The following MRPS25 variants were observed in gnomAD, a reference collection of about 807,000 sequenced individuals.
MRPS25 encodes small ribosomal subunit protein mS25.
A neutral mutation model predicts 17.3 loss-of-function variants in MRPS25; 15 were observed. That is an observed-to-expected ratio of 0.87 (90% CI 0.58 to 1.34). The LOEUF is 1.34. MRPS25 is among the 40% of genes most tolerant of loss of function. The pLI, the probability that MRPS25 is intolerant of heterozygous loss-of-function variation, is 0.00. For synonymous variants in MRPS25, 94 were observed against 83.3 expected (o/e 1.13, Z -0.70); for missense variants, 225 against 218.6 (o/e 1.03, Z -0.19).
chr3:15,053,482 C>CCCCCGCT lies in MRPS25; in HGVS notation c.242-16_242-15insAGCGGGG. 3 of 1,614,204 alleles carry CCCCCGCT rather than the reference C, an allele frequency of 1.9e-6. No individual in the cohort carries two copies. Among genetic ancestry groups the CCCCCGCT allele is most frequent in the Non-Finnish European group, 2.5e-6 (3 of 1,180,044 alleles). On this transcript the variant is annotated splice_polypyrimidine_tract_variant and intron_variant, in intron 2 of 3. Coordinates refer to ENST00000253686, the MANE Select transcript of MRPS25 (RefSeq NM_022497.5). ...CTCCCCAGAATCTGGAAACGGAAAG[C>CCCCCGCT]ACGGGGCAGAAGAGAAACAGAACTC...
chr3:15,047,101 GT>G (rs879199925), downstream of MRPS25: 33 of 152,748 alleles, frequency 2.2e-4, 4 homozygotes, highest in South Asian at 2.1e-3. Flanking sequence ...TATATAGTGT[GT>G]GTATGTGTAC....
chr3:15,065,261 A>AG lies in MRPS25; in HGVS notation c.-68dup. 1 of 1,478,462 alleles carries AG rather than the reference A, an allele frequency of 6.8e-7. No homozygotes were observed. Among genetic ancestry groups the AG allele is most frequent in the Non-Finnish European group, 9.0e-7 (1 of 1,112,822 alleles). The allele number at this position is 1,478,462 out of a possible 1,614,324, so 91.6% of individuals were successfully genotyped here. ...GAGCAGCGACGAGAAAGGACTAGCTAGCACCCGCGCGGATCTCACGCGGCT... is the reference window on the plus strand; with the variant it reads ...GAGCAGCGACGAGAAAGGACTAGCTAGGCACCCGCGCGGATCTCACGCGGCT... On this transcript the variant is annotated 5_prime_UTR_variant, in exon 1 of 4. Coordinates refer to ENST00000253686, the MANE Select transcript of MRPS25 (RefSeq NM_022497.5).
chr3:15,048,541 T>C lies in MRPS25; in HGVS notation c.*3900A>G, dbSNP rs1418958765. 1.3e-5 allele frequency: 2 copies of C among 152,666 alleles called. No homozygotes were observed. The highest frequency in any genetic ancestry group is 4.8e-5 in the African/African-American group (2 of 41,450). The allele number at this position is 152,666 out of a possible 1,614,324, so 9.5% of individuals were successfully genotyped here. ...AAAAAAATGTTCAACATTTATTGAT[T>C]GATAGACTGTTAAAATTTAATGTTT... is the stretch of plus-strand genomic sequence containing the variant. On this transcript the variant is annotated 3_prime_UTR_variant, in exon 4 of 4. Coordinates refer to ENST00000253686, the MANE Select transcript of MRPS25 (RefSeq NM_022497.5).
downstream of MRPS25, chr3:15,044,821 AG>A (rs1450278889): frequency 6.6e-6 from 1 of 152,258 alleles, no homozygotes; most frequent in Non-Finnish European, 1.5e-5. Flanking sequence ...AAGGCAGAAC[AG>A]GATGCTTGAT....
chr3:15,044,726 CAT>C (rs1457837775), downstream of MRPS25: 5 of 152,382 alleles, frequency 3.3e-5, no homozygotes, highest in East Asian at 9.6e-4. Flanking sequence ...GCTGGCGCCA[CAT>C]GTGCTCCACA....
chr3:15,060,515 CAAAAAAAAA>C (rs35071871), intron 1 of MRPS25, among the ~76,000 whole-genome samples: 1 of 81,110 alleles, frequency 1.2e-5, no homozygotes, highest in Non-Finnish European at 2.3e-5. Flanking sequence ...GGTCCTCTCT[CAAAAAAAAA>C]AAAAAAAAAA....
At chr3:15,054,541 C>CA (rs544547976) in intron 2 of MRPS25, among the ~76,000 whole-genome samples, 135 of 148,348 alleles carry the variant, frequency 9.1e-4, no homozygotes, top group African/African-American at 7.7e-4. Context: ...GACTCAACCT[C>CA]AAAAAAAAAA....
chr3:15,054,457 G>A (rs114447724), intron 2 of MRPS25, among the ~76,000 whole-genome samples: 1,671 of 152,264 alleles, frequency 0.011, 33 homozygotes, highest in African/African-American at 0.037. Flanking sequence ...CAGGAGAACA[G>A]CTTGAACCCT....
In MRPS25 at chr3:15,050,419, C is replaced by A; in HGVS notation, c.*2022G>T. On this transcript the variant is annotated 3_prime_UTR_variant, in exon 4 of 4. Transcript: ENST00000253686. ...TCAGGACATTCCTGCTGGTTAGCAG[C>A]CTCTTTGGGCCCTAGAGGGAAGGAA... 1 of 1,002,126 alleles carries A rather than the reference C, an allele frequency of 1.0e-6. No homozygotes were observed. The highest frequency in any genetic ancestry group is 4.3e-5 in the South Asian group (1 of 23,204). The allele number at this position is 1,002,126 out of a possible 1,614,324, so 62.1% of individuals were successfully genotyped here. A position where few individuals can be genotyped will look rare whatever the true frequency, so the allele number is the denominator to read the frequency against.
At chr3:15,053,148 G>T in intron 3 of MRPS25, 3 of 932,142 alleles carry the variant, frequency 3.2e-6, no homozygotes, top group Non-Finnish European at 4.5e-6. Context: ...GCAAGAGGGA[G>T]AGAGGTACTT....
chr3:15,052,181 T>C lies in MRPS25; in HGVS notation c.*260A>G. 5.0e-6 allele frequency: 6 copies of C among 1,199,706 alleles called. No individual in the cohort carries two copies. The highest frequency in any genetic ancestry group is 6.2e-6 in the Non-Finnish European group (6 of 964,898). The allele number at this position is 1,199,706 out of a possible 1,614,324, so 74.3% of individuals were successfully genotyped here. A position where few individuals can be genotyped will look rare whatever the true frequency, so the allele number is the denominator to read the frequency against. ...CCTTTCTGCTACACAGGCCTTCCTCTTCACTAGGACCAGATACACGCCAAG... is the reference window on the plus strand; with the variant it reads ...CCTTTCTGCTACACAGGCCTTCCTCCTCACTAGGACCAGATACACGCCAAG... On this transcript the variant is annotated 3_prime_UTR_variant, in exon 4 of 4. Transcript: ENST00000253686.
chr3:15,045,335 C>G (rs2042411768), downstream of MRPS25: 1 of 152,638 alleles, frequency 6.6e-6, no homozygotes, highest in African/African-American at 2.4e-5. Flanking sequence ...CCAGGTCATT[C>G]AGTGGCAGCC....
intron 1 of MRPS25, among the ~76,000 whole-genome samples, chr3:15,060,346 C>G (rs540194507): frequency 1.2e-4 from 18 of 151,834 alleles, no homozygotes; most frequent in African/African-American, 3.4e-4. Context: ...GACCCTGTCT[C>G]TATAAAAAAA....
At chr3:15,061,064 T>A (rs2042746746) in intron 1 of MRPS25, among the ~76,000 whole-genome samples, 1 of 152,114 alleles carries the variant, frequency 6.6e-6, no homozygotes, top group South Asian at 2.1e-4. Flanking sequence ...CACAGAACTT[T>A]TTACAAATAA....
chr3:15,064,284 G>C (rs1285438224), intron 1 of MRPS25, among the ~76,000 whole-genome samples: 1 of 152,144 alleles, frequency 6.6e-6, no homozygotes, highest in Non-Finnish European at 1.5e-5. Context: ...GCACTGCTTA[G>C]GGCTGCCTCA....
Position 15,065,125 on chromosome 3 carries a change from T to C in MRPS25, c.70A>G (p.Lys24Glu). The C allele has an allele frequency of 1.9e-6, 3 of 1,609,374 alleles. 1 individual carries two copies. The highest frequency in any genetic ancestry group is 2.2e-5 in the South Asian group (2 of 89,924). The change falls in exon 1 of 4, where the codon AAG becomes GAG. Residue 24 changes from lysine (K) to glutamate (E), a missense_variant. Transcript: ENST00000253686. ...ACTGTCATGACCTTCACGGAGTCCT[T>C]GAACACCACGTTCCCCTGGCTCAGA... ...QYLSQGNVVF[K>E]DSVKVMTVNY... is the part of the protein sequence containing the mutation.
chr3:15,053,494 G>C, intron 2 of MRPS25, 27 bp from the exon 3 acceptor site: 1 of 1,614,168 alleles, frequency 6.2e-7, no homozygotes, highest in Non-Finnish European at 8.5e-7. Flanking sequence ...CGGGGCAGAA[G>C]AGAAACAGAA....
chr3:15,055,618 C>T (rs1335136642), intron 2 of MRPS25, among the ~76,000 whole-genome samples: 2 of 151,984 alleles, frequency 1.3e-5, no homozygotes, highest in South Asian at 2.1e-4. Flanking sequence ...TATTACAGTG[C>T]GTGTAGAAAA....
Position 15,052,327 on chromosome 3 carries a change from G to C in MRPS25, c.*114C>G. ...TGTGTAAAGTCCTTTTAATGCAAAA[G>C]GATTTCCAGAGTCTCCAGGGACAGA... On this transcript the variant is annotated 3_prime_UTR_variant, in exon 4 of 4. Transcript: ENST00000253686. The C allele has an allele frequency of 6.7e-7, 1 of 1,493,754 alleles. No homozygotes were observed. The highest frequency in any genetic ancestry group is 1.4e-5 in the South Asian group (1 of 72,056). The allele number at this position is 1,493,754 out of a possible 1,614,324, so 92.5% of individuals were successfully genotyped here.
Sources: allele counts gnomAD v4.1 joint callset (sites outside exome capture counted in the v4.1 genomes callset), GRCh38; gene constraint gnomAD v4.1.1; transcripts MANE v1.5; gene names NCBI Gene and HGNC (gene_info 2026-07-23, HGNC 2026-07-21).